SGCZ: variants seen among roughly 807,000 people sequenced by gnomAD.
SGCZ encodes the protein sarcoglycan zeta, also known as zeta-sarcoglycan.
Under a neutral mutation model 41.3 loss-of-function variants are expected in SGCZ, and 40 were observed. The observed-to-expected ratio is 0.97, with a 90% confidence interval of 0.75 to 1.26. SGCZ has a LOEUF of 1.26. SGCZ is among the 50% of genes most tolerant of loss of function. SGCZ has a pLI of 0.00. For synonymous variants in SGCZ, 206 were observed against 137.5 expected, an observed-to-expected ratio of 1.50 and a Z score of -3.49; for missense variants, 552 against 369.8, an observed-to-expected ratio of 1.49 and a Z score of -4.04.
chr8:14,494,991 T>C (rs1332240116), intron 2 of SGCZ, among the ~76,000 whole-genome samples: 2 of 152,246 alleles, frequency 1.3e-5, no homozygotes, highest in Non-Finnish European at 2.9e-5. Flanking sequence ...GTGTCTAACG[T>C]AACCTTATAT....
chr8:14,674,827 C>G (rs1379641063), intron 1 of SGCZ, among the ~76,000 whole-genome samples: 1 of 151,548 alleles, frequency 6.6e-6, no homozygotes, highest in East Asian at 1.9e-4. Flanking sequence ...CCTGCTCCCA[C>G]TTTGCCTTCC....
At chr8:14,688,376 G>C (rs1585183739) in intron 1 of SGCZ, among the ~76,000 whole-genome samples, 1 of 152,114 alleles carries the variant, frequency 6.6e-6, no homozygotes, top group Non-Finnish European at 1.5e-5. Flanking sequence ...TTTGTAGAAG[G>C]TGTAAGGAAG....
At chr8:14,253,964 A>T (rs959543706) in intron 3 of SGCZ, among the ~76,000 whole-genome samples, 6 of 152,034 alleles carry the variant, frequency 3.9e-5, no homozygotes, top group Non-Finnish European at 7.4e-5. Context: ...TTTAAAAATA[A>T]TGCAATCTGA....
chr8:14,540,453 GATAT>G (rs763357490), intron 2 of SGCZ, among the ~76,000 whole-genome samples: 45 of 150,570 alleles, frequency 3.0e-4, no homozygotes, highest in Non-Finnish European at 5.0e-4. Context: ...TTCTAGACTG[GATAT>G]CTGTTACATT....
chr8:14,793,459 A>G (rs1244697930), intron 1 of SGCZ, among the ~76,000 whole-genome samples: 2 of 152,338 alleles, frequency 1.3e-5, no homozygotes, highest in East Asian at 3.9e-4. Context: ...ACAATAAAAA[A>G]TTATCCAGCC....
chr8:15,094,441 C>T (rs1374186617), intron 1 of SGCZ, among the ~76,000 whole-genome samples: 2 of 152,062 alleles, frequency 1.3e-5, no homozygotes, highest in Non-Finnish European at 1.5e-5. Flanking sequence ...AGCAACAGGC[C>T]AGTTGCTTTA....
intron 4 of SGCZ, among the ~76,000 whole-genome samples, chr8:14,178,440 C>T (rs1274211976): frequency 6.6e-6 from 1 of 152,196 alleles, no homozygotes; most frequent in Non-Finnish European, 1.5e-5. Context: ...ACCATGTAAA[C>T]AGGTCCAAAT....
intron 2 of SGCZ, among the ~76,000 whole-genome samples, chr8:14,350,770 C>G (rs73518229): frequency 6.6e-6 from 1 of 152,016 alleles, no homozygotes; most frequent in African/African-American, 2.4e-5. Flanking sequence ...TCCTCCTGAA[C>G]AGAAAACTCT....
chr8:14,738,426 G>A (rs1055605166), intron 1 of SGCZ, among the ~76,000 whole-genome samples: 2 of 152,030 alleles, frequency 1.3e-5, no homozygotes, highest in Middle Eastern at 3.4e-3. Context: ...GATATAAGCC[G>A]CTAGCTAGAC....
At chr8:14,561,250 T>C (rs1377651820) in intron 1 of SGCZ, among the ~76,000 whole-genome samples, 2 of 152,172 alleles carry the variant, frequency 1.3e-5, no homozygotes, top group African/African-American at 4.8e-5. Context: ...AAATACATTG[T>C]TTTCTTTGGC....
At chr8:14,476,035 G>A (rs561361645) in intron 2 of SGCZ, among the ~76,000 whole-genome samples, 3 of 151,784 alleles carry the variant, frequency 2.0e-5, no homozygotes, top group African/African-American at 7.2e-5. Context: ...TTGGCTCCTG[G>A]CCTCAAGCAA....
At chr8:14,729,033 G>C (rs1354583044) in intron 1 of SGCZ, among the ~76,000 whole-genome samples, 1 of 152,104 alleles carries the variant, frequency 6.6e-6, no homozygotes, top group Non-Finnish European at 1.5e-5. Context: ...GTGGTCACTA[G>C]GAATTAAGCC....
intron 1 of SGCZ, among the ~76,000 whole-genome samples, chr8:15,197,003 C>T (rs1428835046): frequency 6.6e-6 from 1 of 152,194 alleles, no homozygotes; most frequent in Non-Finnish European, 1.5e-5. Context: ...TCCCAGAGTG[C>T]AAAGAAAGAA....
chr8:14,327,938 G>A (rs188774515), intron 2 of SGCZ, among the ~76,000 whole-genome samples: 154 of 152,182 alleles, frequency 1.0e-3, no homozygotes, highest in Non-Finnish European at 1.5e-3. Context: ...GCACTGCCAC[G>A]CCCAGATAAC....
intron 1 of SGCZ, among the ~76,000 whole-genome samples, chr8:14,901,946 A>G (rs1463448513): frequency 6.6e-6 from 1 of 152,178 alleles, no homozygotes; most frequent in Admixed American, 6.5e-5. Context: ...ACAAATGCTG[A>G]CAGTCAGCCT....
At chr8:14,392,897 G>A in intron 2 of SGCZ, among the ~76,000 whole-genome samples, 1 of 152,168 alleles carries the variant, frequency 6.6e-6, no homozygotes, top group Middle Eastern at 3.4e-3. Context: ...TTAAAATAAA[G>A]TTAGAGTTTA....
chr8:15,139,384 T>A (rs1306539798), intron 1 of SGCZ, among the ~76,000 whole-genome samples: 1 of 152,214 alleles, frequency 6.6e-6, no homozygotes, highest in Non-Finnish European at 1.5e-5. Flanking sequence ...AGACTTTAAG[T>A]TGGGACTTAA....
intron 4 of SGCZ, among the ~76,000 whole-genome samples, chr8:14,193,226 T>C (rs2117051480): frequency 6.6e-6 from 1 of 152,064 alleles, no homozygotes; most frequent in East Asian, 1.9e-4. Context: ...TATGTCTACC[T>C]TTTCCACTAC....
chr8:14,425,850 TAAC>T (rs1461892997), intron 2 of SGCZ, among the ~76,000 whole-genome samples: 1 of 151,686 alleles, frequency 6.6e-6, no homozygotes, highest in Non-Finnish European at 1.5e-5. Context: ...GACCAAGTAA[TAAC>T]AAAACTAAAA....
Sources: gnomAD v4.1 joint callset for allele counts (sites outside exome capture counted in the v4.1 genomes callset) on GRCh38, gnomAD v4.1.1 for gene constraint, MANE v1.5 for transcripts, NCBI Gene and HGNC (gene_info 2026-07-23, HGNC 2026-07-21) for gene names.